NREP: variants seen among roughly 807,000 people sequenced by gnomAD.
NREP encodes the protein neuronal regeneration related protein, also known as neuronal regeneration-related protein.
In NREP, 5 loss-of-function variants were observed where a neutral mutation model predicts 8.6. The observed-to-expected ratio is 0.58, with a 90% CI of 0.30 to 1.22. The LOEUF is 1.22. Ranked by LOEUF, NREP falls within the 50% of genes most tolerant of loss-of-function variation. The pLI is 0.07. For synonymous variants in NREP, 27 were observed against 28.0 expected, an observed-to-expected ratio of 0.96 and a Z score of 0.11; for missense variants, 86 against 82.5, an observed-to-expected ratio of 1.04 and a Z score of -0.17.
intron 2 of NREP, among the ~76,000 whole-genome samples, chr5:111,931,232 G>A (rs1464962163): frequency 6.6e-6 from 1 of 151,982 alleles, no homozygotes; most frequent in Non-Finnish European, 1.5e-5. Context: ...ATGATTTAGT[G>A]GATTTAGCTA....
At chr5:111,773,526 A>G (rs1034678722) in intron 2 of NREP, among the ~76,000 whole-genome samples, 1 of 152,214 alleles carries the variant, frequency 6.6e-6, no homozygotes, top group African/African-American at 2.4e-5. Context: ...ATGAGGATTT[A>G]TCTTTAATAA....
chr5:111,877,701 T>C (rs936716762), intron 2 of NREP, among the ~76,000 whole-genome samples: 2 of 152,224 alleles, frequency 1.3e-5, no homozygotes, highest in African/African-American at 4.8e-5. Flanking sequence ...TTCCTAAGCT[T>C]TGTTCCATTT....
At chr5:111,783,169 T>C (rs1041254010) in intron 2 of NREP, among the ~76,000 whole-genome samples, 2 of 152,176 alleles carry the variant, frequency 1.3e-5, no homozygotes, top group East Asian at 1.9e-4. Context: ...ATCAACTACA[T>C]AGTCACAGTA....
chr5:111,869,156 T>C (rs1374486706), intron 2 of NREP, among the ~76,000 whole-genome samples: 2 of 152,184 alleles, frequency 1.3e-5, no homozygotes, highest in Non-Finnish European at 2.9e-5. Flanking sequence ...TGCAAGTGCT[T>C]ATGTCTCATA....
chr5:111,799,491 A>G (rs1340504149), intron 2 of NREP, among the ~76,000 whole-genome samples: 1 of 152,230 alleles, frequency 6.6e-6, no homozygotes, highest in Non-Finnish European at 1.5e-5. Flanking sequence ...CAATTGCCCT[A>G]GGATAATTAA....
At chr5:111,895,178 T>A (rs1754479037) in intron 2 of NREP, among the ~76,000 whole-genome samples, 1 of 152,220 alleles carries the variant, frequency 6.6e-6, no homozygotes, top group Non-Finnish European at 1.5e-5. Flanking sequence ...GAAATGAATA[T>A]CCTCAACTTA....
intron 2 of NREP, among the ~76,000 whole-genome samples, chr5:111,764,754 T>C (rs1751041849): frequency 6.6e-6 from 1 of 152,202 alleles, no homozygotes; most frequent in African/African-American, 2.4e-5. Context: ...ATTTTTATTC[T>C]TGTAATGATA....
chr5:111,861,993 A>C (rs1753554437), intron 2 of NREP, among the ~76,000 whole-genome samples: 1 of 152,206 alleles, frequency 6.6e-6, no homozygotes, highest in Non-Finnish European at 1.5e-5. Flanking sequence ...ATTCTTCTAA[A>C]TACTTATAAA....
intron 2 of NREP, among the ~76,000 whole-genome samples, chr5:111,969,099 A>G (rs1037472800): frequency 6.6e-6 from 1 of 152,226 alleles, no homozygotes; most frequent in Non-Finnish European, 1.5e-5. Flanking sequence ...GAGGATCTGT[A>G]ACTAGATGAT....
At chr5:111,735,355 A>T in intron 3 of NREP, 75 bp downstream of exon 3, 1 of 1,034,508 alleles carries the variant, frequency 9.7e-7, no homozygotes, top group South Asian at 1.3e-5. Context: ...ATTCAAATGA[A>T]AAAGCTCTGA....
At chr5:111,807,994 T>C (rs1367725432) in intron 2 of NREP, among the ~76,000 whole-genome samples, 1 of 152,300 alleles carries the variant, frequency 6.6e-6, no homozygotes, top group East Asian at 1.9e-4. Context: ...AGGTTTTCCT[T>C]TCTGTGGGGG....
At chr5:111,926,970 G>A (rs751943335) in intron 2 of NREP, among the ~76,000 whole-genome samples, 2 of 151,740 alleles carry the variant, frequency 1.3e-5, no homozygotes, top group Non-Finnish European at 2.9e-5. Flanking sequence ...CTAGTCCTCC[G>A]CTAATTCCCC....
chr5:111,862,964 T>C (rs1054555877), intron 2 of NREP, among the ~76,000 whole-genome samples: 3 of 150,704 alleles, frequency 2.0e-5, no homozygotes, highest in South Asian at 2.1e-4. Flanking sequence ...AAAAGACATA[T>C]GAAATATCTC....
At chr5:111,966,386 C>T (rs560360711) in intron 2 of NREP, among the ~76,000 whole-genome samples, 1 of 152,250 alleles carries the variant, frequency 6.6e-6, no homozygotes, top group Admixed American at 6.5e-5. Context: ...TTAATCTATG[C>T]TTTGTTTTTA....
intron 2 of NREP, among the ~76,000 whole-genome samples, chr5:111,919,773 A>G (rs1308141450): frequency 6.6e-6 from 1 of 151,938 alleles, no homozygotes; most frequent in Non-Finnish European, 1.5e-5. Context: ...ACTAATGTAG[A>G]TGACAGGTTG....
intron 2 of NREP, among the ~76,000 whole-genome samples, chr5:111,804,867 G>A (rs1454108005): frequency 1.3e-5 from 2 of 152,146 alleles, no homozygotes; most frequent in African/African-American, 2.4e-5. Context: ...CGGGTTTGGT[G>A]GCGGGCGCCT....
At chr5:111,960,398 G>A (rs1006245469) in intron 2 of NREP, among the ~76,000 whole-genome samples, 55 of 152,134 alleles carry the variant, frequency 3.6e-4, no homozygotes, top group African/African-American at 1.3e-3. Context: ...AGGGGGTTGA[G>A]ACACACTGAT....
intron 2 of NREP, among the ~76,000 whole-genome samples, chr5:111,887,329 T>G (rs113899502): frequency 4.5e-3 from 692 of 152,342 alleles, no homozygotes; most frequent in Middle Eastern, 0.01. Flanking sequence ...AGTGCACATA[T>G]GAAGACGGAG....
At chr5:111,828,510 T>G (rs2112932477) in intron 2 of NREP, among the ~76,000 whole-genome samples, 1 of 152,262 alleles carries the variant, frequency 6.6e-6, no homozygotes, top group Non-Finnish European at 1.5e-5. Flanking sequence ...ATTAATTCCC[T>G]AAAACAATGT....
Sources: allele counts gnomAD v4.1 joint callset (sites outside exome capture counted in the v4.1 genomes callset), GRCh38; gene constraint gnomAD v4.1.1; transcripts MANE v1.5; gene names NCBI Gene and HGNC (gene_info 2026-07-23, HGNC 2026-07-21).